PKD1L3: variants seen among roughly 807,000 people sequenced by gnomAD.
The protein encoded by PKD1L3 is polycystin-1-like protein 3.
In PKD1L3, 239 loss-of-function variants were observed where a neutral mutation model predicts 184.1. The observed-to-expected ratio is 1.30, with a 90% CI of 1.17 to 1.45. The LOEUF is 1.45. Among genes scored for constraint, PKD1L3 ranks in the 40% most tolerant of loss-of-function variants. The probability of loss-of-function intolerance (pLI) is 0.00; values close to 1 mark genes in which losing one functional copy is unlikely to be tolerated. For synonymous variants in PKD1L3, 996 were observed against 778.8 expected, an observed-to-expected ratio of 1.28 and a Z score of -4.64; for missense variants, 2,660 against 2,067.2, an observed-to-expected ratio of 1.29 and a Z score of -5.56.
chr16:71,999,270 CAAA>C (rs371727093), intron 1 of PKD1L3, among the ~76,000 whole-genome samples: 3 of 102,552 alleles, frequency 2.9e-5, no homozygotes, highest in Admixed American at 9.3e-5. Flanking sequence ...GACTCCATCT[CAAA>C]AAAAAAAAAA....
At chr16:71,937,220 T>G in intron 25 of PKD1L3, 72 bp downstream of exon 25, 1 of 1,450,912 alleles carries the variant, frequency 6.9e-7, no homozygotes, top group Non-Finnish European at 9.3e-7. Context: ...CACACCTGGG[T>G]AATTTTTGTA....
At position 71,973,530 on chromosome 16, in the gene PKD1L3, A is replaced by G. The variant is rs942925900; in HGVS notation, c.1760-13T>C. Reference sequence around the variant, plus strand: ...GTGTACTCCTCATCTTAGAACAAAGAAGAGTGCTTACTTGTATATCAAATG... The same window carrying G: ...GTGTACTCCTCATCTTAGAACAAAGGAGAGTGCTTACTTGTATATCAAATG... On this transcript the variant is annotated splice_polypyrimidine_tract_variant and intron_variant, in intron 11 of 29. Coordinates refer to ENST00000620267, the MANE Select transcript of PKD1L3 (RefSeq NM_181536.2). 6.5e-7 allele frequency: 1 copy of G among 1,548,758 alleles called. No homozygotes were observed. The highest frequency in any genetic ancestry group is 8.7e-7 in the Non-Finnish European group (1 of 1,145,010).
At chr16:71,976,937 G>T (rs2039947061) in intron 11 of PKD1L3, among the ~76,000 whole-genome samples, 1 of 152,136 alleles carries the variant, frequency 6.6e-6, no homozygotes, top group Admixed American at 6.5e-5. Flanking sequence ...TAGAGACAGG[G>T]TTTCACTGTG....
At chr16:71,962,581 G>A (rs1276144607) in intron 16 of PKD1L3, among the ~76,000 whole-genome samples, 1 of 152,114 alleles carries the variant, frequency 6.6e-6, no homozygotes, top group Non-Finnish European at 1.5e-5. Context: ...CTGCCTCCCA[G>A]GTTCAAGCAG....
intron 24 of PKD1L3, among the ~76,000 whole-genome samples, chr16:71,938,439 C>CA (rs2038253717): frequency 6.6e-6 from 1 of 152,148 alleles, no homozygotes; most frequent in Non-Finnish European, 1.5e-5. Context: ...CAGCAGGAGG[C>CA]AGACAGGCTC....
At chr16:71,992,420 G>A (rs2040624134) in intron 3 of PKD1L3, among the ~76,000 whole-genome samples, 1 of 152,196 alleles carries the variant, frequency 6.6e-6, no homozygotes, top group African/African-American at 2.4e-5. Flanking sequence ...AATAATGGAA[G>A]CATTGCTCTC....
chr16:71,944,944 C>T (rs1191808704), intron 22 of PKD1L3, among the ~76,000 whole-genome samples: 6 of 150,158 alleles, frequency 4.0e-5, no homozygotes, highest in East Asian at 3.9e-4. Context: ...GCGATCAACC[C>T]GAGACCCTGT....
intron 11 of PKD1L3, among the ~76,000 whole-genome samples, chr16:71,975,030 A>G (rs1597348719): frequency 6.6e-6 from 1 of 152,088 alleles, no homozygotes; most frequent in Admixed American, 6.6e-5. Flanking sequence ...TTGATCAAGT[A>G]TATCTGGGCA....
At chr16:71,985,764 G>T (rs763694180) in intron 5 of PKD1L3, among the ~76,000 whole-genome samples, 38 of 152,134 alleles carry the variant, frequency 2.5e-4, no homozygotes, top group Non-Finnish European at 5.0e-4. Context: ...GAAAGGTCTT[G>T]CTACGTTGCC....
chr16:71,968,710 C>G (rs1435391299), intron 13 of PKD1L3, among the ~76,000 whole-genome samples: 1 of 151,836 alleles, frequency 6.6e-6, no homozygotes, highest in Admixed American at 6.6e-5. Flanking sequence ...ATCCTCCCAC[C>G]TCAGCCTCCT....
At position 71,998,402 on chromosome 16, in the gene PKD1L3, G is replaced by A. The variant is rs770354394; in HGVS notation, c.296-8C>T. ...CGTTGGCTGCAACGTCTGCTGAGGG[G>A]AGATCAGACGCAGATGAGCCTCATA... On this transcript the variant is annotated splice_polypyrimidine_tract_variant and splice_region_variant and intron_variant, in intron 1 of 29. Transcript: ENST00000620267. 32 of 1,544,756 alleles carry A rather than the reference G, an allele frequency of 2.1e-5. No homozygotes were observed. The South Asian group carries it at 3.2e-4, about 16-fold the overall frequency.
chr16:71,979,640 T>C (rs9302633), intron 9 of PKD1L3, 146 bp downstream of exon 9: 757,102 of 980,196 alleles, frequency 0.77, 293,571 homozygotes, highest in South Asian at 0.84. Flanking sequence ...TCCCTGCCAG[T>C]GTAAAATAAA....
Position 71,930,188 on chromosome 16 carries a change from GAA to G in PKD1L3, c.4927-7_4927-6del. On this transcript the variant is annotated splice_polypyrimidine_tract_variant and splice_region_variant and intron_variant, in intron 28 of 29. Transcript: ENST00000620267. Reference sequence around the variant, plus strand: ...GACTGGGTCTAAAGCGAAAACCTGGGAAAACAATAAGAACACTTGCAGTGACT... The same window carrying G: ...GACTGGGTCTAAAGCGAAAACCTGGGAACAATAAGAACACTTGCAGTGACT... The G allele has an allele frequency of 6.5e-7, 1 of 1,539,026 alleles. No individual in the cohort carries two copies. Among genetic ancestry groups the G allele is most frequent in the South Asian group, 1.2e-5 (1 of 82,812 alleles).
chr16:71,985,662 G>A (rs1051377366), intron 5 of PKD1L3, among the ~76,000 whole-genome samples: 2 of 152,112 alleles, frequency 1.3e-5, no homozygotes, highest in African/African-American at 4.8e-5. Context: ...CTCAAACTCG[G>A]GCTTACGTGA....
intron 24 of PKD1L3, among the ~76,000 whole-genome samples, chr16:71,938,736 G>T (rs1161304502): frequency 1.3e-5 from 2 of 152,144 alleles, no homozygotes; most frequent in East Asian, 1.9e-4. Flanking sequence ...TCTGCTGAGG[G>T]CTACACAAAC....
chr16:71,974,203 C>T (rs993780922), intron 11 of PKD1L3, among the ~76,000 whole-genome samples: 5 of 152,210 alleles, frequency 3.3e-5, no homozygotes, highest in East Asian at 1.9e-4. Flanking sequence ...CAGGACTGCA[C>T]GCTAGGGACC....
chr16:71,980,006 C>A lies in PKD1L3; in HGVS notation c.1271+1G>T, dbSNP rs949630329. 6.4e-7 allele frequency: 1 copy of A among 1,552,082 alleles called. No individual in the cohort carries two copies. The highest frequency in any genetic ancestry group is 8.7e-7 in the Non-Finnish European group (1 of 1,147,084). On this transcript the variant is annotated splice_donor_variant, in intron 8 of 29. Coordinates refer to ENST00000620267, the MANE Select transcript of PKD1L3 (RefSeq NM_181536.2). LOFTEE classifies it high-confidence loss of function. ...TCTCCCCGTTCCTTCTTCCCATTAA[C>A]CTGCTCAGCAGCAGAGTAGCATTGG...
At chr16:71,967,409 T>G in intron 14 of PKD1L3, 94 bp from the exon 15 acceptor site, 3 of 1,214,602 alleles carry the variant, frequency 2.5e-6, no homozygotes, top group Non-Finnish European at 3.4e-6. Context: ...TAGAAAACTA[T>G]TTAGATCAAG....
chr16:71,940,385 G>A (rs1218769564), intron 24 of PKD1L3, among the ~76,000 whole-genome samples: 2 of 152,122 alleles, frequency 1.3e-5, no homozygotes, highest in Non-Finnish European at 2.9e-5. Flanking sequence ...AGTATAATAG[G>A]CTCATATACT....
Sources: allele counts gnomAD v4.1 joint callset (sites outside exome capture counted in the v4.1 genomes callset), GRCh38; gene constraint gnomAD v4.1.1; transcripts MANE v1.5; gene names NCBI Gene and HGNC (gene_info 2026-07-23, HGNC 2026-07-21).